TRAPPC9: variants seen among roughly 807,000 people sequenced by gnomAD.
The protein encoded by TRAPPC9 is IKK2 binding protein.
TRAPPC9 carries 83 observed loss-of-function variants against 124.0 expected under a neutral mutation model. The observed-to-expected ratio is 0.67, with a 90% CI of 0.56 to 0.80. TRAPPC9 has a LOEUF of 0.80. Among genes scored for constraint, TRAPPC9 ranks in the 30% least tolerant of loss-of-function variants. TRAPPC9 has a pLI of 0.00. For missense variants in TRAPPC9, 1,302 were observed against 1,508.3 expected, an observed-to-expected ratio of 0.86 and a Z score of 2.27; for synonymous variants, 638 against 617.5, an observed-to-expected ratio of 1.03 and a Z score of -0.49.
At chr8:139,869,286 G>A (rs892018823) in intron 21 of TRAPPC9, among the ~76,000 whole-genome samples, 29 of 152,286 alleles carry the variant, frequency 1.9e-4, no homozygotes, top group Admixed American at 2.0e-4. Context: ...GGCAGGGGTG[G>A]TAGTTATAAT....
intron 9 of TRAPPC9, among the ~76,000 whole-genome samples, chr8:140,334,348 T>TCTGACAGTCAGTCCAGGAGGA (rs1461551747): frequency 2.0e-5 from 3 of 151,710 alleles, no homozygotes; most frequent in African/African-American, 7.3e-5. Context: ...AAAGGCAATG[T>TCTGACAGTCAGTCCAGGAGGA]GAAATTAAAT....
chr8:140,228,103 A>T (rs538837179), intron 16 of TRAPPC9, among the ~76,000 whole-genome samples: 1 of 152,242 alleles, frequency 6.6e-6, no homozygotes, highest in Non-Finnish European at 1.5e-5. Flanking sequence ...CAGTGGTGGG[A>T]TCTATGCAGG....
intron 17 of TRAPPC9, among the ~76,000 whole-genome samples, chr8:140,183,992 AGG>A (rs2062290643): frequency 1.3e-5 from 1 of 77,758 alleles, no homozygotes; most frequent in African/African-American, 5.8e-5. Context: ...GGGAGGAGGG[AGG>A]AGGGAGGGGA....
At chr8:140,092,575 T>C (rs1009358836) in intron 17 of TRAPPC9, among the ~76,000 whole-genome samples, 1 of 152,174 alleles carries the variant, frequency 6.6e-6, no homozygotes, top group African/African-American at 2.4e-5. Context: ...GAGTAACTTA[T>C]CCAAGGGCAC....
intron 13 of TRAPPC9, among the ~76,000 whole-genome samples, chr8:140,285,630 A>C (rs2065460318): frequency 6.6e-6 from 1 of 151,416 alleles, no homozygotes; most frequent in Non-Finnish European, 1.5e-5. Context: ...GACCACCCCC[A>C]GGTCCCCCAA....
intron 21 of TRAPPC9, among the ~76,000 whole-genome samples, chr8:139,806,452 C>G (rs1824065315): frequency 6.6e-6 from 1 of 152,164 alleles, no homozygotes; most frequent in South Asian, 2.1e-4. Context: ...CCACTCGGGG[C>G]TCAGCGGCAG....
rs1322273510 is a variant in TRAPPC9 at position 140,287,604 on chromosome 8, T to C, written c.1981+4A>G. On this transcript the variant is annotated splice_donor_region_variant and intron_variant, in intron 13 of 22. Transcript: ENST00000438773. ...AGCAGGAAGCATGAAGGGACTCTCC[T>C]TACCGTTCACAGTAATCGTTCCAGT... 1 of 1,613,968 alleles carries C rather than the reference T, an allele frequency of 6.2e-7. No individual in the cohort carries two copies. Among genetic ancestry groups the C allele is most frequent in the Non-Finnish European group, 8.5e-7 (1 of 1,179,982 alleles).
At chr8:139,985,154 T>G (rs1212646152) in intron 19 of TRAPPC9, among the ~76,000 whole-genome samples, 1 of 152,174 alleles carries the variant, frequency 6.6e-6, no homozygotes, top group Non-Finnish European at 1.5e-5. Flanking sequence ...AAAAACTTAA[T>G]AACAAAAAAG....
At chr8:140,424,309 A>C (rs1343179189) in intron 5 of TRAPPC9, among the ~76,000 whole-genome samples, 1 of 152,054 alleles carries the variant, frequency 6.6e-6, no homozygotes, top group Non-Finnish European at 1.5e-5. Context: ...TTTTACGTAA[A>C]GTAGTTGCTG....
chr8:140,393,953 T>C (rs1212591260), intron 7 of TRAPPC9, among the ~76,000 whole-genome samples: 1 of 152,150 alleles, frequency 6.6e-6, no homozygotes, highest in Non-Finnish European at 1.5e-5. Context: ...ACATCTGCAC[T>C]GTCCCCGCCC....
At chr8:140,151,851 T>C (rs1388050594) in intron 17 of TRAPPC9, among the ~76,000 whole-genome samples, 1 of 152,126 alleles carries the variant, frequency 6.6e-6, no homozygotes. Context: ...CACTCAAATC[T>C]TTACCACAAC....
Position 140,287,699 on chromosome 8 carries a change from G to T in TRAPPC9, c.1890C>A (p.Leu630=), listed in dbSNP as rs745560975. 1 of 1,614,154 alleles carries T rather than the reference G, an allele frequency of 6.2e-7. No individual in the cohort carries two copies. The highest frequency in any genetic ancestry group is 8.5e-7 in the Non-Finnish European group (1 of 1,180,018). ...CAGCCGGAAGAGAAAGCGCCGCAGG[G>T]AGAGACTCGAACTCCACTCCGCTGG... The part of the protein sequence containing the change: ...LLTSGVEFES[L]PAALSLPAES... The change falls in exon 13 of 23, where the codon CTC becomes CTA. Residue 630 remains leucine, a synonymous_variant. Transcript: ENST00000438773.
intron 19 of TRAPPC9, among the ~76,000 whole-genome samples, chr8:139,911,780 C>G (rs1831749307): frequency 6.6e-6 from 1 of 151,030 alleles, no homozygotes; most frequent in Admixed American, 6.6e-5. Context: ...TTCAGCAAAA[C>G]CATGCTCTAA....
chr8:139,938,429 C>G (rs1044026732), intron 19 of TRAPPC9, among the ~76,000 whole-genome samples: 1 of 151,610 alleles, frequency 6.6e-6, no homozygotes, highest in Non-Finnish European at 1.5e-5. Context: ...GGACTACAGG[C>G]GCCCACCACC....
rs561137641 is a variant in TRAPPC9, at chr8:139,756,584, G to A, written c.3056-24382C>T. Among the ~76,000 whole-genome samples the A allele has an allele frequency of 1.9e-4, 27 of 145,350 alleles. 2 individuals carry two copies. Among genetic ancestry groups the A allele is most frequent in the African/African-American group, 6.5e-4 (25 of 38,396 alleles). ...GGACAGCAGGTCGCAGGAGGAGCCC[G>A]GGATGGGGTATAAGGACAGCGTGTC... is the stretch of plus-strand genomic sequence containing the variant. On this transcript the variant is annotated intron_variant, in intron 21 of 22. Transcript: ENST00000438773.
At chr8:140,422,269 A>G (rs1485020722) in intron 5 of TRAPPC9, among the ~76,000 whole-genome samples, 3 of 150,576 alleles carry the variant, frequency 2.0e-5, no homozygotes, top group Non-Finnish European at 4.4e-5. Flanking sequence ...AAGTTTATAT[A>G]GAGCACCTTA....
At chr8:140,437,670 G>A (rs776560101) in intron 3 of TRAPPC9, among the ~76,000 whole-genome samples, 4 of 152,162 alleles carry the variant, frequency 2.6e-5, no homozygotes, top group Non-Finnish European at 4.4e-5. Flanking sequence ...ACGGCACCTC[G>A]TTAAACTTCT....
intron 11 of TRAPPC9, among the ~76,000 whole-genome samples, chr8:140,295,917 G>A (rs1431172016): frequency 6.6e-6 from 1 of 152,158 alleles, no homozygotes; most frequent in East Asian, 1.9e-4. Context: ...GCTGAAACTT[G>A]CGTTATATCT....
intron 17 of TRAPPC9, among the ~76,000 whole-genome samples, chr8:140,180,764 T>C (rs944007234): frequency 6.6e-6 from 1 of 151,782 alleles, no homozygotes; most frequent in African/African-American, 2.4e-5. Context: ...TCTACAATTA[T>C]CATCAGTTTT....
Sources: allele counts gnomAD v4.1 joint callset (sites outside exome capture counted in the v4.1 genomes callset), GRCh38; gene constraint gnomAD v4.1.1; transcripts MANE v1.5; gene names NCBI Gene and HGNC (gene_info 2026-07-23, HGNC 2026-07-21).